NELL1: variants seen among roughly 807,000 people sequenced by gnomAD.
NELL1 encodes neural EGFL like 1, also known as protein kinase C-binding protein NELL1.
In NELL1, 76 loss-of-function variants were observed where a neutral mutation model predicts 107.4. That is an observed-to-expected ratio of 0.71 (90% CI 0.59 to 0.86). The LOEUF is 0.86. Among genes scored for constraint, NELL1 ranks in the 40% least tolerant of loss-of-function variants. The pLI, the probability that NELL1 is intolerant of heterozygous loss-of-function variation, is 0.00. For missense variants in NELL1, 1,024 were observed against 1,005.5 expected (o/e 1.02, Z -0.25); for synonymous variants, 353 against 341.2 (o/e 1.03, Z -0.38).
intron 16 of NELL1, among the ~76,000 whole-genome samples, chr11:21,540,452 G>T (rs1305252799): frequency 1.3e-5 from 2 of 151,994 alleles, no homozygotes; most frequent in Non-Finnish European, 2.9e-5. Context: ...ACCTTTCGGT[G>T]CCTGGCTGTA....
At chr11:20,730,744 C>A (rs1855620178) in intron 2 of NELL1, among the ~76,000 whole-genome samples, 1 of 152,182 alleles carries the variant, frequency 6.6e-6, no homozygotes, top group African/African-American at 2.4e-5. Flanking sequence ...TTGAGAGCAG[C>A]AGACTGAGGA....
At chr11:21,291,310 C>G (rs569092536) in intron 14 of NELL1, among the ~76,000 whole-genome samples, 2 of 152,106 alleles carry the variant, frequency 1.3e-5, no homozygotes, top group Non-Finnish European at 2.9e-5. Context: ...AAAGACACAA[C>G]GTACCAGAAT....
chr11:20,866,848 C>T (rs990657517), intron 4 of NELL1, among the ~76,000 whole-genome samples: 3 of 152,128 alleles, frequency 2.0e-5, no homozygotes, highest in Admixed American at 2.0e-4. Flanking sequence ...TAACCCTTGC[C>T]TCCAATAAGG....
intron 14 of NELL1, among the ~76,000 whole-genome samples, chr11:21,233,579 T>C (rs1250829429): frequency 1.3e-5 from 2 of 152,230 alleles, no homozygotes; most frequent in Non-Finnish European, 2.9e-5. Flanking sequence ...ATTTAATAAA[T>C]AGACTAAAGT....
At chr11:20,792,893 A>G (rs1433742544) in intron 3 of NELL1, among the ~76,000 whole-genome samples, 2 of 152,010 alleles carry the variant, frequency 1.3e-5, no homozygotes, top group African/African-American at 2.4e-5. Context: ...GTGAGATGCC[A>G]TAGATTTTTC....
Position 21,560,393 on chromosome 11 carries a change from T to C in NELL1, c.1980+11T>C. 2 of 1,551,600 alleles carry C rather than the reference T, an allele frequency of 1.3e-6. No homozygotes were observed. Among genetic ancestry groups the C allele is most frequent in the Admixed American group, 4.0e-5 (2 of 49,468 alleles). ...GTCTGCTCCTGCAAGGTGAGGCTGA[T>C]GTGGTGCAGCAGAAATTGAAACTGT... On this transcript the variant is annotated intron_variant, in intron 17 of 19. Transcript: ENST00000357134.
At chr11:21,156,127 A>G (rs1229540140) in intron 13 of NELL1, among the ~76,000 whole-genome samples, 1 of 152,140 alleles carries the variant, frequency 6.6e-6, no homozygotes, top group Non-Finnish European at 1.5e-5. Context: ...GTGGAACCTG[A>G]GGGCATCTGT....
chr11:20,882,055 G>T (rs1007389377), intron 4 of NELL1, among the ~76,000 whole-genome samples: 1 of 152,234 alleles, frequency 6.6e-6, no homozygotes, highest in Non-Finnish European at 1.5e-5. Flanking sequence ...TTAAGTGACA[G>T]ATCACTGTGC....
intron 3 of NELL1, among the ~76,000 whole-genome samples, chr11:20,792,185 C>T (rs1056471226): frequency 3.3e-5 from 5 of 151,944 alleles, no homozygotes; most frequent in Middle Eastern, 3.2e-3. Flanking sequence ...TTGCATACCA[C>T]GTGCCAAACA....
chr11:20,807,228 CTA>C (rs1432420820), intron 3 of NELL1, among the ~76,000 whole-genome samples: 1 of 152,134 alleles, frequency 6.6e-6, no homozygotes, highest in East Asian at 1.9e-4. Flanking sequence ...GTGTTGTGAT[CTA>C]TGTTTTTGTT....
intron 13 of NELL1, among the ~76,000 whole-genome samples, chr11:21,169,142 G>T (rs1247978078): frequency 6.6e-6 from 1 of 151,800 alleles, no homozygotes; most frequent in Non-Finnish European, 1.5e-5. Flanking sequence ...CAGATAACTG[G>T]AGTAATGTTT....
At chr11:20,964,519 A>G (rs1208691700) in intron 12 of NELL1, among the ~76,000 whole-genome samples, 1 of 152,220 alleles carries the variant, frequency 6.6e-6, no homozygotes, top group Non-Finnish European at 1.5e-5. Context: ...TCTTTGAGAA[A>G]GTTGCGGCAT....
At chr11:20,903,460 G>A (rs1435001267) in intron 5 of NELL1, among the ~76,000 whole-genome samples, 1 of 151,992 alleles carries the variant, frequency 6.6e-6, no homozygotes, top group African/African-American at 2.4e-5. Context: ...CTGAACAGTA[G>A]GGTCTAAGAA....
chr11:20,884,888 G>A (rs1590379113), intron 4 of NELL1, among the ~76,000 whole-genome samples: 1 of 152,334 alleles, frequency 6.6e-6, no homozygotes, highest in East Asian at 1.9e-4. Flanking sequence ...GATGACTTAA[G>A]CTGTGTAGTT....
chr11:20,917,303 T>C (rs1278925361), intron 5 of NELL1, among the ~76,000 whole-genome samples: 1 of 151,984 alleles, frequency 6.6e-6, no homozygotes, highest in Non-Finnish European at 1.5e-5. Context: ...TTTCTATTAA[T>C]ATTTCCAATT....
In NELL1 at chr11:20,669,694, C is replaced by T. The variant is rs775313078; in HGVS notation, c.-30C>T. On this transcript the variant is annotated 5_prime_UTR_variant, in exon 1 of 20. Transcript: ENST00000357134. The surrounding 1 kb of genome is among the most constrained non-coding windows in gnomAD (Gnocchi z 4.4). Reference sequence around the variant, plus strand: ...CATTTGCTTCCACCTAGCTTCGGTGCCCCCTGCTAGGCGGGGACCCTCGAG... The same window carrying T: ...CATTTGCTTCCACCTAGCTTCGGTGTCCCCTGCTAGGCGGGGACCCTCGAG... 1.2e-5 allele frequency: 19 copies of T among 1,597,828 alleles called. No homozygotes were observed. Among genetic ancestry groups the T allele is most frequent in the East Asian group, 9.0e-5 (4 of 44,584 alleles).
intron 2 of NELL1, among the ~76,000 whole-genome samples, chr11:20,680,348 G>C (rs567631057): frequency 6.6e-6 from 1 of 152,180 alleles, no homozygotes; most frequent in East Asian, 1.9e-4. Flanking sequence ...ATCTCAAAAA[G>C]TCTTAATCCA....
At chr11:20,898,839 T>A (rs1222591675) in intron 5 of NELL1, among the ~76,000 whole-genome samples, 1 of 152,090 alleles carries the variant, frequency 6.6e-6, no homozygotes, top group Non-Finnish European at 1.5e-5. Context: ...CTTTCACAAA[T>A]CTATAAATAA....
chr11:20,865,954 G>A (rs941084116), intron 4 of NELL1, among the ~76,000 whole-genome samples: 2 of 152,254 alleles, frequency 1.3e-5, no homozygotes, highest in African/African-American at 4.8e-5. Flanking sequence ...CTTCCTAGCT[G>A]TGTGCTCTTG....
Sources: allele counts gnomAD v4.1 joint callset (sites outside exome capture counted in the v4.1 genomes callset), GRCh38; gene constraint gnomAD v4.1.1; non-coding constraint Gnocchi (gnomAD v3.1); transcripts MANE v1.5; gene names NCBI Gene and HGNC (gene_info 2026-07-23, HGNC 2026-07-21).